The following KCNMA1 variants were observed in gnomAD, a reference collection of about 807,000 sequenced individuals.
The protein encoded by KCNMA1 is potassium calcium-activated channel subfamily M alpha 1, also known as Calcium-activated potassium channel subunit alpha-1.
A neutral mutation model predicts 140.0 loss-of-function variants in KCNMA1; 29 were observed. That is an observed-to-expected ratio of 0.21 (90% CI 0.15 to 0.28). The LOEUF (loss-of-function observed/expected upper bound fraction) is 0.28. KCNMA1 is among the 10% of genes least tolerant of loss of function. The pLI is 1.00. For missense variants in KCNMA1, 880 were observed against 1,602.2 expected (o/e 0.55, Z 7.70); for synonymous variants, 612 against 611.9 (o/e 1.00, Z 0.00).
chr10:77,490,871 A>C (rs1189588180), intron 1 of KCNMA1, among the ~76,000 whole-genome samples: 1 of 152,192 alleles, frequency 6.6e-6, no homozygotes, highest in East Asian at 1.9e-4. Context: ...TGCCACGTAC[A>C]GACAACACAC....
chr10:77,449,753 C>T (rs1248119536), intron 1 of KCNMA1, among the ~76,000 whole-genome samples: 4 of 151,242 alleles, frequency 2.6e-5, no homozygotes, highest in Non-Finnish European at 5.9e-5. Flanking sequence ...CACCATTCTC[C>T]TGCCTCAGCC....
At chr10:77,598,689 AAG>A (rs2081658857) in intron 1 of KCNMA1, among the ~76,000 whole-genome samples, 1 of 152,202 alleles carries the variant, frequency 6.6e-6, no homozygotes, top group African/African-American at 2.4e-5. Flanking sequence ...AGACAACGCA[AAG>A]AGAGAGGGAC....
At chr10:76,957,792 T>G (rs1264124959) in intron 20 of KCNMA1, among the ~76,000 whole-genome samples, 2 of 152,188 alleles carry the variant, frequency 1.3e-5, no homozygotes, top group African/African-American at 2.4e-5. Context: ...GAGGGATTAA[T>G]TTATGGCTCC....
intron 1 of KCNMA1, among the ~76,000 whole-genome samples, chr10:77,435,575 C>A (rs887395178): frequency 6.6e-6 from 1 of 152,154 alleles, no homozygotes; most frequent in African/African-American, 2.4e-5. Context: ...AGGGTCCTGT[C>A]CATATATCAC....
intron 16 of KCNMA1, among the ~76,000 whole-genome samples, chr10:77,021,542 C>T (rs180934578): frequency 1.3e-5 from 2 of 152,330 alleles, no homozygotes; most frequent in Admixed American, 1.3e-4. Flanking sequence ...CCACTGACTG[C>T]AAGGAAATCC....
chr10:77,392,420 G>GCTCC (rs2095869055), intron 2 of KCNMA1, among the ~76,000 whole-genome samples: 1 of 152,138 alleles, frequency 6.6e-6, no homozygotes, highest in African/African-American at 2.4e-5. Context: ...GAATGTCTGA[G>GCTCC]CTCCCAGGCC....
At chr10:77,519,729 A>G (rs2052121266) in intron 1 of KCNMA1, among the ~76,000 whole-genome samples, 2 of 152,250 alleles carry the variant, frequency 1.3e-5, no homozygotes, top group Admixed American at 1.3e-4. Context: ...TCAACAATTA[A>G]CACATCCCTT....
chr10:77,070,141 C>T lies in KCNMA1; in HGVS notation c.1749+2956G>A, dbSNP rs569363472. 5.9e-4 allele frequency among the ~76,000 whole-genome samples: 90 copies of T among 152,126 alleles called. 2 individuals are homozygous for T. In the South Asian group the frequency reaches 0.018, roughly 31 times the overall value. ...AGTAATCCCTCTTTCTTTTATTAAACATATCACCCCCACTTTCAGTCTTGG... is the reference window on the plus strand; with the variant it reads ...AGTAATCCCTCTTTCTTTTATTAAATATATCACCCCCACTTTCAGTCTTGG... On this transcript the variant is annotated intron_variant, in intron 14 of 27. Transcript: ENST00000286628.
At chr10:77,570,946 C>A (rs931549537) in intron 1 of KCNMA1, among the ~76,000 whole-genome samples, 5 of 143,506 alleles carry the variant, frequency 3.5e-5, no homozygotes, top group African/African-American at 1.0e-4. Flanking sequence ...AAAAAAAATA[C>A]TTTCTTTGAT....
intron 1 of KCNMA1, among the ~76,000 whole-genome samples, chr10:77,524,927 T>C (rs1033506677): frequency 3.3e-5 from 5 of 152,192 alleles, no homozygotes; most frequent in African/African-American, 1.2e-4. Context: ...CCTGCACGGA[T>C]ATGATCCCCG....
At chr10:77,127,487 T>G (rs2097766963) in intron 5 of KCNMA1, among the ~76,000 whole-genome samples, 1 of 152,154 alleles carries the variant, frequency 6.6e-6, no homozygotes, top group East Asian at 1.9e-4. Flanking sequence ...CAACTTGTCC[T>G]CACAATTTGC....
chr10:77,201,447 G>A (rs936067767), intron 3 of KCNMA1, among the ~76,000 whole-genome samples: 7 of 152,158 alleles, frequency 4.6e-5, no homozygotes, highest in African/African-American at 1.7e-4. Flanking sequence ...ACTTGGAAAA[G>A]GAGCACAGGC....
At chr10:77,302,937 A>AG (rs890901736) in intron 2 of KCNMA1, among the ~76,000 whole-genome samples, 10 of 151,856 alleles carry the variant, frequency 6.6e-5, no homozygotes, top group East Asian at 3.9e-4. Context: ...TTTGGTTTGC[A>AG]GGGGGGGGTT....
chr10:76,939,024 A>G (rs1207966945), intron 23 of KCNMA1: 1 of 152,190 alleles, frequency 6.6e-6, no homozygotes, highest in Non-Finnish European at 1.5e-5. Flanking sequence ...ATTTGTTAAA[A>G]TTAAATTAAA....
chr10:77,116,583 AC>A (rs2097474698), intron 6 of KCNMA1, among the ~76,000 whole-genome samples: 1 of 151,958 alleles, frequency 6.6e-6, no homozygotes, highest in African/African-American at 2.4e-5. Flanking sequence ...GATGTAAAAT[AC>A]CCACCCCCTA....
At chr10:77,529,243 C>CG (rs1429440857) in intron 1 of KCNMA1, among the ~76,000 whole-genome samples, 1 of 151,876 alleles carries the variant, frequency 6.6e-6, no homozygotes, top group Non-Finnish European at 1.5e-5. Flanking sequence ...TCTTTTTCCC[C>CG]CTGCACCACT....
At chr10:77,337,142 G>C (rs538929452) in intron 2 of KCNMA1, among the ~76,000 whole-genome samples, 12 of 152,338 alleles carry the variant, frequency 7.9e-5, no homozygotes, top group Non-Finnish European at 1.6e-4. Flanking sequence ...AGTTTGCTCT[G>C]TGTACCTAGC....
At chr10:77,536,362 T>C (rs1179380384) in intron 1 of KCNMA1, among the ~76,000 whole-genome samples, 4 of 152,224 alleles carry the variant, frequency 2.6e-5, no homozygotes, top group African/African-American at 9.6e-5. Flanking sequence ...TCAGACAGCA[T>C]GGGCTTTCCC....
chr10:76,937,800 C>T (rs2060942066), intron 23 of KCNMA1, among the ~76,000 whole-genome samples: 2 of 152,092 alleles, frequency 1.3e-5, no homozygotes, highest in Admixed American at 1.3e-4. Flanking sequence ...GGCTCTTAAC[C>T]TTTGTTGAAA....
Sources: allele counts gnomAD v4.1 joint callset (sites outside exome capture counted in the v4.1 genomes callset), GRCh38; gene constraint gnomAD v4.1.1; transcripts MANE v1.5; gene names NCBI Gene and HGNC (gene_info 2026-07-23, HGNC 2026-07-21).